GRB14: variants seen among roughly 807,000 people sequenced by gnomAD.
GRB14 encodes the protein growth factor receptor bound protein 14.
A neutral mutation model predicts 69.1 loss-of-function variants in GRB14; 38 were observed. The observed-to-expected ratio is 0.55, with a 90% confidence interval of 0.42 to 0.72. The LOEUF (loss-of-function observed/expected upper bound fraction) is 0.72. GRB14 is among the 30% of genes least tolerant of loss of function. GRB14 has a pLI of 0.00. For synonymous variants in GRB14, 247 were observed against 241.3 expected, an observed-to-expected ratio of 1.02 and a Z score of -0.22; for missense variants, 666 against 666.1, an observed-to-expected ratio of 1.00 and a Z score of 0.00.
chr2:164,547,546 C>A, intron 3 of GRB14, 114 bp downstream of exon 3: 1 of 791,398 alleles, frequency 1.3e-6, no homozygotes, highest in Admixed American at 2.7e-5. Context: ...GGATCACCTA[C>A]AAGATATAGA....
chr2:164,568,950 T>C (rs1439993564), intron 2 of GRB14, among the ~76,000 whole-genome samples: 1 of 152,104 alleles, frequency 6.6e-6, no homozygotes, highest in Non-Finnish European at 1.5e-5. Context: ...TTTTAATATA[T>C]ATTAATATCT....
At chr2:164,582,420 TATTA>T (rs1290359444) in intron 2 of GRB14, among the ~76,000 whole-genome samples, 1 of 101,284 alleles carries the variant, frequency 9.9e-6, no homozygotes, top group African/African-American at 4.8e-5. Flanking sequence ...TTTATTTATT[TATTA>T]TTTTTTTTTT....
At chr2:164,614,167 A>C (rs1453707335) in intron 2 of GRB14, among the ~76,000 whole-genome samples, 1 of 152,228 alleles carries the variant, frequency 6.6e-6, no homozygotes, top group African/African-American at 2.4e-5. Flanking sequence ...CTCCCAAAAA[A>C]TTATATTCAT....
At chr2:164,534,482 A>G (rs1015957664) in intron 3 of GRB14, among the ~76,000 whole-genome samples, 5 of 152,202 alleles carry the variant, frequency 3.3e-5, no homozygotes, top group South Asian at 2.1e-4. Flanking sequence ...CAACAGGAAT[A>G]TACAAGATGA....
At chr2:164,619,929 G>A (rs944604856) in intron 1 of GRB14, 110 bp from the exon 2 acceptor site, 20 of 831,032 alleles carry the variant, frequency 2.4e-5, no homozygotes, top group Non-Finnish European at 3.7e-5. Context: ...CTGTGACAAG[G>A]CTCATATTAT....
At chr2:164,529,361 G>A (rs2105291274) in intron 3 of GRB14, among the ~76,000 whole-genome samples, 1 of 152,302 alleles carries the variant, frequency 6.6e-6, no homozygotes, top group Non-Finnish European at 1.5e-5. Flanking sequence ...GCACAACAAT[G>A]TGAATTCATA....
chr2:164,531,451 C>G (rs1410859425), intron 3 of GRB14, among the ~76,000 whole-genome samples: 1 of 152,180 alleles, frequency 6.6e-6, no homozygotes, highest in Non-Finnish European at 1.5e-5. Context: ...CTTCCTCTAC[C>G]TCTAAGAAAA....
rs1352634064 is a variant in GRB14 at position 164,492,905 on chromosome 2, C to CTAT, written c.*128_*130dup. ...TCTTTGCTTATTTGCAATGCACAAACTATTTTTTTGTAACTTGCAGGTGAA... is the reference window on the plus strand; with the variant it reads ...TCTTTGCTTATTTGCAATGCACAAACTATTATTTTTTTGTAACTTGCAGGTGAA... On this transcript the variant is annotated 3_prime_UTR_variant, in exon 14 of 14. Coordinates refer to ENST00000263915, the MANE Select transcript of GRB14 (RefSeq NM_004490.3). 9 of 755,966 alleles carry CTAT rather than the reference C, an allele frequency of 1.2e-5. No individual in the cohort carries two copies. Among genetic ancestry groups the CTAT allele is most frequent in the Non-Finnish European group, 1.8e-5 (9 of 491,848 alleles). The allele number at this position is 755,966 out of a possible 1,614,324, so 46.8% of individuals were successfully genotyped here. A position where few individuals can be genotyped will look rare whatever the true frequency, so the allele number is the denominator to read the frequency against.
At chr2:164,503,614 AG>A (rs1216599682) in intron 8 of GRB14, among the ~76,000 whole-genome samples, 12 of 152,196 alleles carry the variant, frequency 7.9e-5, no homozygotes, top group Non-Finnish European at 1.6e-4. Context: ...TTTTAATTTA[AG>A]GTTTGATTGA....
chr2:164,555,399 G>T (rs980326823), intron 2 of GRB14, among the ~76,000 whole-genome samples: 2 of 152,022 alleles, frequency 1.3e-5, no homozygotes, highest in Non-Finnish European at 2.9e-5. Context: ...TCATCATTCA[G>T]CAGGTAAAAT....
chr2:164,574,166 T>C, intron 2 of GRB14: 1 of 611,264 alleles, frequency 1.6e-6, no homozygotes, highest in Non-Finnish European at 2.9e-6. Context: ...GTTGATGAGC[T>C]GATCTGATCC....
chr2:164,600,306 T>G (rs1230164974), intron 2 of GRB14, among the ~76,000 whole-genome samples: 7 of 152,212 alleles, frequency 4.6e-5, no homozygotes, highest in Non-Finnish European at 8.8e-5. Flanking sequence ...AATTTAAAAT[T>G]CAAGCAATTT....
intron 5 of GRB14, among the ~76,000 whole-genome samples, chr2:164,523,650 C>T (rs1687693940): frequency 6.6e-6 from 1 of 151,898 alleles, no homozygotes; most frequent in Non-Finnish European, 1.5e-5. Flanking sequence ...AGTTTGAGTG[C>T]TTTCCAAGTT....
At chr2:164,546,581 C>T (rs186273464) in intron 3 of GRB14, among the ~76,000 whole-genome samples, 1 of 152,316 alleles carries the variant, frequency 6.6e-6, no homozygotes, top group East Asian at 1.9e-4. Flanking sequence ...ATATCCACCA[C>T]GATGCCCCTC....
intron 6 of GRB14, among the ~76,000 whole-genome samples, chr2:164,516,906 C>T (rs1352732957): frequency 6.6e-6 from 1 of 152,128 alleles, no homozygotes; most frequent in Non-Finnish European, 1.5e-5. Flanking sequence ...TGCCTGTAAT[C>T]CCAGCTATCT....
chr2:164,619,516 G>A (rs1458042247), intron 2 of GRB14, among the ~76,000 whole-genome samples, 171 bp downstream of exon 2: 1 of 152,122 alleles, frequency 6.6e-6, no homozygotes, highest in Non-Finnish European at 1.5e-5. Context: ...CGGCTTAGAA[G>A]AATAAGGCCC....
At chr2:164,543,347 T>A (rs1688286959) in intron 3 of GRB14, among the ~76,000 whole-genome samples, 1 of 151,200 alleles carries the variant, frequency 6.6e-6, no homozygotes, top group African/African-American at 2.4e-5. Context: ...TGGAATACTA[T>A]GAAGCCATAA....
Position 164,547,784 on chromosome 2 carries a change from G to T in GRB14, c.357C>A (p.Ser119Arg). The T allele has an allele frequency of 6.2e-7, 1 of 1,613,378 alleles. No homozygotes were observed. The highest frequency in any genetic ancestry group is 8.5e-7 in the Non-Finnish European group (1 of 1,179,540). The change falls in exon 3 of 14, where the codon AGC (serine) becomes AGA (arginine). Residue 119 changes from serine (S) to arginine (R), a missense_variant. Ser to Arg is a moderately radical substitution (Grantham distance 110, BLOSUM62 -1). Coordinates refer to ENST00000263915, the MANE Select transcript of GRB14 (RefSeq NM_004490.3). The part of the protein sequence containing the change: ...VIKVYSEDET[S>R]RALDVPSDIT... ...TGTCACTGGGTACATCTAAAGCCCT[G>T]CTGGTTTCATCTTCACTGTATACTT...
intron 2 of GRB14, chr2:164,568,551 G>T: frequency 1.1e-6 from 1 of 886,272 alleles, no homozygotes; most frequent in Non-Finnish European, 1.4e-6. Flanking sequence ...AAGGATGGCT[G>T]TGGGACAGGA....
Sources: allele counts gnomAD v4.1 joint callset (sites outside exome capture counted in the v4.1 genomes callset), GRCh38; gene constraint gnomAD v4.1.1; transcripts MANE v1.5; gene names NCBI Gene and HGNC (gene_info 2026-07-23, HGNC 2026-07-21).